Variants in IFRD1 observed in about 807,000 individuals in gnomAD.
IFRD1 encodes the protein interferon related developmental regulator 1.
IFRD1 carries 35 observed loss-of-function variants against 52.9 expected under a neutral mutation model. The observed-to-expected ratio is 0.66, with a 90% CI of 0.51 to 0.88. The LOEUF is 0.88. Among genes scored for constraint, IFRD1 ranks in the 40% least tolerant of loss-of-function variants. IFRD1 has a pLI of 0.00. For synonymous variants in IFRD1, 184 were observed against 188.4 expected (o/e 0.98, Z 0.19); for missense variants, 517 against 550.8 (o/e 0.94, Z 0.61).
intron 1 of IFRD1, among the ~76,000 whole-genome samples, chr7:112,443,536 A>G (rs1462785980): frequency 6.7e-6 from 1 of 150,148 alleles, no homozygotes; most frequent in Non-Finnish European, 1.5e-5. Context: ...GCACCACTGT[A>G]CTCCAGCCTG....
chr7:112,455,485 A>C (rs1343345669), intron 1 of IFRD1, among the ~76,000 whole-genome samples: 1 of 144,274 alleles, frequency 6.9e-6, no homozygotes, highest in Non-Finnish European at 1.5e-5. Flanking sequence ...TCTGTCTCAA[A>C]AAAACAAAAA....
chr7:112,432,690 T>A (rs1312474593), intron 1 of IFRD1, among the ~76,000 whole-genome samples: 1 of 152,222 alleles, frequency 6.6e-6, no homozygotes, highest in Non-Finnish European at 1.5e-5. Flanking sequence ...CACATCAGCC[T>A]GGCTTCAGAG....
intron 1 of IFRD1, among the ~76,000 whole-genome samples, chr7:112,440,594 A>G (rs925543562): frequency 2.0e-5 from 3 of 152,216 alleles, no homozygotes; most frequent in Non-Finnish European, 4.4e-5. Flanking sequence ...CTCATTCTCC[A>G]TAATTTAGAA....
At chr7:112,459,830 A>G (rs748718598) in intron 5 of IFRD1, among the ~76,000 whole-genome samples, 11 of 152,222 alleles carry the variant, frequency 7.2e-5, no homozygotes, top group Non-Finnish European at 1.5e-4. Context: ...TTTTGCATCT[A>G]GTTCCTTGGC....
intron 1 of IFRD1, among the ~76,000 whole-genome samples, chr7:112,453,714 A>G (rs1393026292): frequency 1.3e-5 from 2 of 152,072 alleles, no homozygotes; most frequent in Admixed American, 1.3e-4. Flanking sequence ...TGTCCTAAGC[A>G]CTCCAAGAAA....
At chr7:112,444,886 C>T (rs112633311) in intron 1 of IFRD1, among the ~76,000 whole-genome samples, 7 of 151,996 alleles carry the variant, frequency 4.6e-5, no homozygotes, top group African/African-American at 1.5e-4. Flanking sequence ...TATCCCAAAC[C>T]TCAGCATCAT....
At position 112,461,993 on chromosome 7, in the gene IFRD1, T is replaced by C. The variant is rs779037489; in HGVS notation, c.619-8T>C. ...ATGGTTATCTTACTTCATATTCTTA[T>C]GCATTAGGAACTATACTCAACTCTG... is the stretch of plus-strand genomic sequence containing the variant. On this transcript the variant is annotated splice_region_variant and splice_polypyrimidine_tract_variant and intron_variant, in intron 6 of 11. Transcript: ENST00000403825. 7 of 1,608,162 alleles carry C rather than the reference T, an allele frequency of 4.4e-6. No homozygotes were observed. In the East Asian group the frequency reaches 1.1e-4, roughly 26 times the overall value.
chr7:112,433,944 T>C (rs1170775283), intron 1 of IFRD1, among the ~76,000 whole-genome samples: 7 of 152,156 alleles, frequency 4.6e-5, no homozygotes, highest in African/African-American at 7.2e-5. Context: ...TTCAGCCTCC[T>C]GAGTAGCGGG....
In IFRD1 at chr7:112,476,139, G is replaced by A. The variant is rs539141556; in HGVS notation, c.*620G>A. On this transcript the variant is annotated 3_prime_UTR_variant, in exon 12 of 12. Transcript: ENST00000403825. Reference sequence around the variant, plus strand: ...AGCAGTAACACTGATTTTATCTGCTGTATGAGACTTTGTGCATTTTACTTT... The same window carrying A: ...AGCAGTAACACTGATTTTATCTGCTATATGAGACTTTGTGCATTTTACTTT... 2.0e-5 allele frequency: 3 copies of A among 152,364 alleles called. No homozygotes were observed. The highest frequency in any genetic ancestry group is 1.9e-4 in the East Asian group (1 of 5,190). 9.4% of individuals were successfully genotyped at this position (152,364 alleles called of 1,614,324 possible). A position where few individuals can be genotyped will look rare whatever the true frequency, so the allele number is the denominator to read the frequency against.
At chr7:112,462,835 TA>T (rs35730463) in intron 8 of IFRD1, among the ~76,000 whole-genome samples, 123,647 of 152,036 alleles carry the variant, frequency 0.81, 51,210 homozygotes, top group Middle Eastern at 0.95. Flanking sequence ...CACTGCTCAT[TA>T]AGACTGGGAC....
chr7:112,425,899 C>A (rs962544243), intron 1 of IFRD1, among the ~76,000 whole-genome samples: 2 of 152,218 alleles, frequency 1.3e-5, no homozygotes, highest in Non-Finnish European at 2.9e-5. Context: ...TAAATATCTG[C>A]ACTTTTTCAT....
intron 1 of IFRD1, among the ~76,000 whole-genome samples, chr7:112,435,989 T>G (rs1794680156): frequency 6.6e-6 from 1 of 151,980 alleles, no homozygotes; most frequent in South Asian, 2.1e-4. Flanking sequence ...TTCAAGTGAT[T>G]CTCTTGCCTC....
upstream of IFRD1, among the ~76,000 whole-genome samples, chr7:112,447,375 G>A (rs1253595102): frequency 6.6e-6 from 1 of 152,212 alleles, no homozygotes; most frequent in Non-Finnish European, 1.5e-5. Context: ...ATTTATTAGA[G>A]CATGAGAGTA....
In IFRD1 at chr7:112,462,317, T is replaced by C; in HGVS notation, c.845T>C (p.Met282Thr). ...PSLLSCDDVNMRIAAGESLAL... is the reference protein window; with the variant it reads ...PSLLSCDDVNTRIAAGESLAL... ...CTCCTCTCTTGTGATGATGTAAACA[T>C]GAGAATAGCTGCTGGTGAATCTTTG... is the stretch of plus-strand genomic sequence containing the variant. Residue 282 changes from methionine (M) to threonine (T), a missense_variant, in exon 8 of 12, where the codon ATG becomes ACG. Transcript: ENST00000403825. The C allele has an allele frequency of 6.2e-7, 1 of 1,610,074 alleles. No homozygotes were observed. Among genetic ancestry groups the C allele is most frequent in the Non-Finnish European group, 8.5e-7 (1 of 1,176,462 alleles).
Position 112,433,475 on chromosome 7 carries a change from T to C in IFRD1, c.-182+10043T>C, listed in dbSNP as rs1038171337. Among the ~76,000 whole-genome samples, 10 of 152,348 alleles carry C rather than the reference T, an allele frequency of 6.6e-5. No individual in the cohort carries two copies. The East Asian group carries it at 1.3e-3, about 21-fold the overall frequency. On this transcript the variant is annotated intron_variant, in intron 1 of 12. Coordinates refer to the IFRD1 transcript ENST00000005558. ...TACCTCAAGCACTGCTTTTAGGTTT[T>C]ACAACAGTGTTGTTATCTCCAGGAG...
chr7:112,441,886 T>G (rs1794898759), intron 1 of IFRD1, among the ~76,000 whole-genome samples: 1 of 152,222 alleles, frequency 6.6e-6, no homozygotes, highest in Admixed American at 6.5e-5. Flanking sequence ...GAACTGAGAC[T>G]TTTCCAAAAA....
Position 112,458,848 on chromosome 7 carries a change from G to T in IFRD1, c.410-13G>T, listed in dbSNP as rs778615986. The T allele has an allele frequency of 2.5e-6, 4 of 1,613,116 alleles. No homozygotes were observed. The Admixed American group carries it at 6.7e-5, about 27-fold the overall frequency. On this transcript the variant is annotated splice_polypyrimidine_tract_variant and intron_variant, in intron 4 of 11. Coordinates refer to ENST00000403825, the MANE Select transcript of IFRD1 (RefSeq NM_001550.4). The stretch of plus-strand genomic sequence containing the variant: ...AAAAGACTATCGTGATTGCATCTTG[G>T]CTGCTTTTATAGGTAAGAGTGATGA...
intron 11 of IFRD1, among the ~76,000 whole-genome samples, 168 bp downstream of exon 11, chr7:112,473,029 CGTGTGTGTGTGTGTGTGTGTGT>C (rs74273594): frequency 8.7e-6 from 1 of 115,152 alleles, no homozygotes; most frequent in Non-Finnish European, 1.9e-5. Context: ...GTGTGGGGGG[CGTGTGTGTGTGTGTGTGTGTGT>C]GTGTGTGTGT....
upstream of IFRD1, chr7:112,446,241 T>A (rs1795029077): frequency 9.6e-6 from 2 of 208,176 alleles, no homozygotes; most frequent in African/African-American, 2.3e-5. Context: ...CCATAAACGC[T>A]CCAGTACCAC....
Sources: allele counts gnomAD v4.1 joint callset (sites outside exome capture counted in the v4.1 genomes callset), GRCh38; gene constraint gnomAD v4.1.1; transcripts MANE v1.5; gene names NCBI Gene and HGNC (gene_info 2026-07-23, HGNC 2026-07-21).